Variants in IQSEC2 observed in about 807,000 individuals in gnomAD.
IQSEC2 encodes the protein IQ motif and SEC7 domain-containing protein 2.
A neutral mutation model predicts 74.6 loss-of-function variants in IQSEC2; 6 were observed. That is an observed-to-expected ratio of 0.08 (90% CI 0.04 to 0.16). The LOEUF (loss-of-function observed/expected upper bound fraction) is 0.16. Among genes scored for constraint, IQSEC2 ranks in the 10% least tolerant of loss-of-function variants. The probability of loss-of-function intolerance (pLI) is 1.00; values close to 1 mark genes in which losing one functional copy is unlikely to be tolerated. For synonymous variants in IQSEC2, 494 were observed against 544.5 expected, an observed-to-expected ratio of 0.91 and a Z score of 1.29; for missense variants, 734 against 1,306.2, an observed-to-expected ratio of 0.56 and a Z score of 6.75.
At chrX:53,300,249 G>A (rs942155883) in intron 1 of IQSEC2, among the ~76,000 whole-genome samples, 1 of 111,403 alleles carries the variant, frequency 9.0e-6, no homozygotes, top group Non-Finnish European at 1.9e-5. Flanking sequence ...ATTTTAATGA[G>A]ATTTGGGAAA....
intron 11 of IQSEC2, 133 bp from the exon 12 acceptor site, chrX:53,238,439 G>A (rs1556860240): frequency 3.3e-6 from 2 of 612,704 alleles, no homozygotes; most frequent in African/African-American, 4.5e-5. Flanking sequence ...GAGTGCAGTG[G>A]TGCCATCATG....
intron 1 of IQSEC2, among the ~76,000 whole-genome samples, chrX:53,299,449 T>C (rs1025175006): frequency 5.4e-5 from 6 of 111,002 alleles, no homozygotes; most frequent in Non-Finnish European, 7.6e-5. Flanking sequence ...GGCCTTTCAG[T>C]TTCCCCAGAG....
Position 53,250,827 on chromosome X carries a change from A to G in IQSEC2, c.1749T>C (p.Asp583=). 8.3e-7 allele frequency: 1 copy of G among 1,209,385 alleles called. No individual in the cohort carries two copies. Among genetic ancestry groups the G allele is most frequent in the African/African-American group, 1.7e-5 (1 of 57,953 alleles). The change falls in exon 5 of 15, where the codon GAT becomes GAC. Residue 583 remains aspartate, a synonymous_variant. Coordinates refer to ENST00000642864, the MANE Select transcript of IQSEC2 (RefSeq NM_001111125.3). The stretch of plus-strand genomic sequence containing the variant: ...GAAGGTGGGCAGCCCGCAGCCGGAA[A>G]TCCCGGCACTCCAAGCACCCGGGAC... The part of the protein sequence containing the change: ...RRGPGCLECR[D]FRLRAAHLPL...
Position 53,236,462 on chromosome X carries a change from G to A in IQSEC2, c.3311C>T (p.Pro1104Leu), listed in dbSNP as rs1556859737. 1.7e-6 allele frequency: 2 copies of A among 1,201,223 alleles called. No homozygotes were observed. The highest frequency in any genetic ancestry group is 1.8e-5 in the South Asian group (1 of 55,108). Residue 1104 changes from proline to leucine, a missense_variant, in exon 13 of 15, where the codon CCT (proline) becomes CTT (leucine). Physicochemically the swap from Pro to Leu is moderately conservative, Grantham distance 98. Coordinates refer to ENST00000642864, the MANE Select transcript of IQSEC2 (RefSeq NM_001111125.3). ...ELEKQKGMMR[P>L]NASQPGGAKD... ...GGCCCCTCCAGGCTGTGAGGCGTTA[G>A]GCCGCATCATACCTTTCTGCTTCTC...
intron 7 of IQSEC2, among the ~76,000 whole-genome samples, chrX:53,247,516 C>T (rs1331671316): frequency 8.9e-6 from 1 of 111,842 alleles, no homozygotes; most frequent in African/African-American, 3.3e-5. Flanking sequence ...CAAATCCTTC[C>T]CCCATTGTGG....
chrX:53,307,961 T>TGGA (rs1347866498), intron 1 of IQSEC2, among the ~76,000 whole-genome samples: 1 of 100,008 alleles, frequency 1.0e-5, no homozygotes, highest in East Asian at 3.2e-4. Context: ...CTGAGGTGAG[T>TGGA]GGATCACCTG....
intron 7 of IQSEC2, among the ~76,000 whole-genome samples, chrX:53,247,382 A>G (rs1556862282): frequency 8.9e-6 from 1 of 112,307 alleles, no homozygotes; most frequent in Non-Finnish European, 1.9e-5. Flanking sequence ...CAAGGTAGCT[A>G]TTGGCAGTCC....
At chrX:53,243,078 T>C (rs2074249041) in intron 9 of IQSEC2, among the ~76,000 whole-genome samples, 1 of 112,218 alleles carries the variant, frequency 8.9e-6, no homozygotes, top group Admixed American at 9.4e-5. Context: ...AACCATTAGC[T>C]TGGCTCTTCA....
intron 12 of IQSEC2, chrX:53,237,635 G>A (rs1556860034): frequency 7.1e-6 from 1 of 141,782 alleles, no homozygotes; most frequent in African/African-American, 3.1e-5. Context: ...ATTCAGCTCA[G>A]GAATTGATAT....
At chrX:53,226,455 A>G (rs2074038626), downstream of IQSEC2, 1 of 112,861 alleles carries the variant, frequency 8.9e-6, no homozygotes, top group African/African-American at 3.2e-5. Context: ...CATCCTTAGC[A>G]CTTGGCATGT....
rs782768856 is a variant in IQSEC2, at chrX:53,253,426, A to AT, written c.1401+1103dup. On this transcript the variant is annotated intron_variant, in intron 4 of 14. Transcript: ENST00000642864. ...AACTGGGATTCACACCTGGGCAAGT[A>AT]TGTTGACACACCCCAAGCCTACAAC... Among the ~76,000 whole-genome samples the AT allele has an allele frequency of 5.4e-5, 6 of 112,141 alleles. 1 individual carries two copies. The East Asian group carries it at 1.7e-3, about 31-fold the overall frequency.
chrX:53,282,669 C>T (rs61689308), intron 2 of IQSEC2, among the ~76,000 whole-genome samples: 6,131 of 112,056 alleles, frequency 0.055, 432 homozygotes, highest in African/African-American at 0.19. Flanking sequence ...AGAGAGAGGC[C>T]CTCCGGAACA....
At chrX:53,264,646 C>A (rs781961152) in intron 2 of IQSEC2, among the ~76,000 whole-genome samples, 1 of 109,132 alleles carries the variant, frequency 9.2e-6, no homozygotes, top group East Asian at 2.9e-4. Context: ...TCCTATAATG[C>A]CTTCTCACCC....
At chrX:53,271,016 C>T (rs782718510) in intron 2 of IQSEC2, among the ~76,000 whole-genome samples, 2 of 110,157 alleles carry the variant, frequency 1.8e-5, no homozygotes, top group African/African-American at 3.3e-5. Context: ...TATTCAAGAA[C>T]TGTTCATGGC....
At position 53,235,798 on chromosome X, in the gene IQSEC2, C is replaced by T. The variant is rs1490274246; in HGVS notation, c.3486G>A (p.Leu1162=). The change falls in exon 14 of 15, where the codon CTG becomes CTA. Residue 1162 remains leucine, a synonymous_variant. Transcript: ENST00000642864. The stretch of plus-strand genomic sequence containing the variant: ...TGGCACTTACTTCGATGGTGCTGTC[C>T]AGCGATCCCACGCTGTTACGCCGCC... ...KRGRRNSVGS[L]DSTIEGSVIS... 9.4e-6 allele frequency: 11 copies of T among 1,164,812 alleles called. No homozygotes were observed. Among genetic ancestry groups the T allele is most frequent in the African/African-American group, 1.8e-5 (1 of 55,463 alleles).
intron 1 of IQSEC2, among the ~76,000 whole-genome samples, chrX:53,297,160 C>G (rs1430570888): frequency 9.1e-6 from 1 of 110,221 alleles, no homozygotes; most frequent in African/African-American, 3.3e-5. Context: ...TACCATCATG[C>G]CTGGCTAATT....
At chrX:53,239,326 A>G in intron 10 of IQSEC2, 32 bp from the exon 11 acceptor site, 2 of 974,137 alleles carry the variant, frequency 2.1e-6, no homozygotes, top group Non-Finnish European at 2.9e-6. Context: ...GACAAGAGGC[A>G]GCGCTTTGGG....
chrX:53,266,971 A>C, intron 2 of IQSEC2: 1 of 1,153,097 alleles, frequency 8.7e-7, no homozygotes, highest in Non-Finnish European at 1.1e-6. Context: ...TCAGTTACCG[A>C]GAGGAGGGAC....
At chrX:53,279,468 C>T (rs2074904620) in intron 2 of IQSEC2, 4 of 524,083 alleles carry the variant, frequency 7.6e-6, no homozygotes, top group Admixed American at 5.6e-5. Flanking sequence ...TCCACAGGCA[C>T]AGCAGGGGCT....
Sources: gnomAD v4.1 joint callset for allele counts (sites outside exome capture counted in the v4.1 genomes callset) on GRCh38, gnomAD v4.1.1 for gene constraint, MANE v1.5 for transcripts, NCBI Gene and HGNC (gene_info 2026-07-23, HGNC 2026-07-21) for gene names.